Variants in APPBP2 observed in about 807,000 individuals in gnomAD.
APPBP2 encodes the protein amyloid beta precursor protein binding protein 2.
APPBP2 carries 15 observed loss-of-function variants against 76.0 expected under a neutral mutation model. The ratio of observed to expected loss-of-function variants is 0.20; its 90% confidence interval spans 0.13 to 0.30. The LOEUF is 0.30. APPBP2 is among the 10% of genes least tolerant of loss of function. The pLI, the probability that APPBP2 is intolerant of heterozygous loss-of-function variation, is 1.00. For missense variants in APPBP2, 401 were observed against 687.2 expected, an observed-to-expected ratio of 0.58 and a Z score of 4.66; for synonymous variants, 222 against 242.2, an observed-to-expected ratio of 0.92 and a Z score of 0.77.
At position 60,526,177 on chromosome 17, in the gene APPBP2, C is replaced by A; in HGVS notation, c.-246G>T. 2.0e-6 allele frequency: 1 copy of A among 504,562 alleles called. No homozygotes were observed. The highest frequency in any genetic ancestry group is 2.1e-5 in the South Asian group (1 of 48,484). The allele number at this position is 504,562 out of a possible 1,614,324, so 31.3% of individuals were successfully genotyped here. A position where few individuals can be genotyped will look rare whatever the true frequency, so the allele number is the denominator to read the frequency against. ...CCAGCCAGGCCAAAAGCGTCACAAT[C>A]CCGGTTCGAGAGGAACCCGGGTTCC... On this transcript the variant is annotated 5_prime_UTR_variant, in exon 1 of 13. Coordinates refer to ENST00000083182, the MANE Select transcript of APPBP2 (RefSeq NM_006380.5).
chr17:60,518,355 G>A (rs1004218533), intron 1 of APPBP2, among the ~76,000 whole-genome samples: 20 of 103,096 alleles, frequency 1.9e-4, no homozygotes, highest in African/African-American at 6.0e-4. Context: ...CCGTGTGTGC[G>A]TGCGTGTGTG....
intron 1 of APPBP2, among the ~76,000 whole-genome samples, chr17:60,509,181 A>G (rs889147262): frequency 3.9e-5 from 6 of 151,928 alleles, no homozygotes; most frequent in Admixed American, 3.9e-4. Context: ...GGAGTTCAAG[A>G]CAAACTTGGC....
Position 60,479,197 on chromosome 17 carries a change from G to A in APPBP2, c.454C>T (p.Leu152=), listed in dbSNP as rs377363998. The A allele has an allele frequency of 4.3e-6, 7 of 1,613,768 alleles. No homozygotes were observed. In the African/African-American group the frequency reaches 8.0e-5, roughly 18 times the overall value. ...VFLSCLQLCT[L]HDEMLHWFRA... ...AACCAATGAAGCATCTCATCGTGTA[G>A]AGTACACAACTGAAGGCAGGACAGA... Residue 152 remains leucine (L), a synonymous_variant, in exon 4 of 13, where the codon CTA becomes TTA. Coordinates refer to ENST00000083182, the MANE Select transcript of APPBP2 (RefSeq NM_006380.5).
At chr17:60,480,501 G>T (rs975289711) in intron 3 of APPBP2, among the ~76,000 whole-genome samples, 1 of 152,102 alleles carries the variant, frequency 6.6e-6, no homozygotes, top group African/African-American at 2.4e-5. Flanking sequence ...TGTATGAGTT[G>T]ACAAAATATT....
chr17:60,523,034 AAC>A (rs1185998483), intron 1 of APPBP2, among the ~76,000 whole-genome samples: 4 of 152,178 alleles, frequency 2.6e-5, no homozygotes, highest in African/African-American at 4.8e-5. Context: ...TACAAAAATT[AAC>A]ACAGTCATAC....
chr17:60,511,308 C>T (rs994174786), intron 1 of APPBP2, among the ~76,000 whole-genome samples: 4 of 152,020 alleles, frequency 2.6e-5, no homozygotes, highest in South Asian at 4.1e-4. Context: ...CACTTTCTGC[C>T]GGGCGCGGTG....
At chr17:60,500,845 G>C (rs1392894107) in intron 1 of APPBP2, among the ~76,000 whole-genome samples, 1 of 151,996 alleles carries the variant, frequency 6.6e-6, no homozygotes, top group African/African-American at 2.4e-5. Context: ...CAAAGATAAT[G>C]TCCAGAAAAC....
chr17:60,517,689 A>G (rs931695418), intron 1 of APPBP2, among the ~76,000 whole-genome samples: 1 of 152,170 alleles, frequency 6.6e-6, no homozygotes, highest in Non-Finnish European at 1.5e-5. Flanking sequence ...GTGATAGTAT[A>G]TGTGTCAGTC....
intron 1 of APPBP2, among the ~76,000 whole-genome samples, chr17:60,515,606 CCTAA>C (rs1472603698): frequency 6.6e-6 from 1 of 152,192 alleles, no homozygotes; most frequent in Non-Finnish European, 1.5e-5. Flanking sequence ...AATAGCGTCT[CCTAA>C]CTTTCAACAA....
chr17:60,509,739 C>T lies in APPBP2; in HGVS notation c.139-9252G>A, dbSNP rs375476498. On this transcript the variant is annotated intron_variant, in intron 1 of 12. Coordinates refer to ENST00000083182, the MANE Select transcript of APPBP2 (RefSeq NM_006380.5). ...GCTTGAACCCAGGAGGTGGAGGCTG[C>T]GGTGAGCTGAGATTGCACCATTGCA... Among the ~76,000 whole-genome samples the T allele has an allele frequency of 3.3e-5, 5 of 152,180 alleles. No homozygotes were observed. In the East Asian group the frequency reaches 5.8e-4, roughly 18 times the overall value.
chr17:60,453,534 CTGTTTTTTTTTT>C (rs2090410702), intron 11 of APPBP2, among the ~76,000 whole-genome samples: 1 of 140,764 alleles, frequency 7.1e-6, no homozygotes, highest in Admixed American at 6.8e-5. Flanking sequence ...TTTCATGATC[CTGTTTTTTTTTT>C]TGTTTTTTTT....
intron 3 of APPBP2, among the ~76,000 whole-genome samples, chr17:60,479,964 T>C (rs1203133072): frequency 6.6e-6 from 1 of 152,162 alleles, no homozygotes; most frequent in Admixed American, 6.6e-5. Flanking sequence ...CCAAAGCTTA[T>C]AATCCAGTAA....
At chr17:60,450,256 C>T (rs2143282503) in intron 12 of APPBP2, among the ~76,000 whole-genome samples, 1 of 151,478 alleles carries the variant, frequency 6.6e-6, no homozygotes, top group African/African-American at 2.4e-5. Flanking sequence ...GGCCAACATG[C>T]TGAAACACCG....
chr17:60,495,409 A>G (rs1184709498), intron 2 of APPBP2, among the ~76,000 whole-genome samples: 1 of 150,484 alleles, frequency 6.6e-6, no homozygotes, highest in Non-Finnish European at 1.5e-5. Flanking sequence ...TTTACACCCA[A>G]TAGAATTTTT....
chr17:60,451,764 C>G (rs1256839918), intron 12 of APPBP2, 116 bp downstream of exon 12: 2 of 907,614 alleles, frequency 2.2e-6, no homozygotes, highest in Middle Eastern at 7.2e-4. Flanking sequence ...CAGGTATGAG[C>G]CACCGCACCC....
At chr17:60,485,130 G>A (rs1326997036) in intron 3 of APPBP2, among the ~76,000 whole-genome samples, 6 of 151,952 alleles carry the variant, frequency 3.9e-5, no homozygotes, top group African/African-American at 1.2e-4. Context: ...GAGGATTTTC[G>A]CATCGATGTT....
intron 3 of APPBP2, among the ~76,000 whole-genome samples, chr17:60,489,019 G>A (rs1047105156): frequency 6.7e-6 from 1 of 149,870 alleles, no homozygotes; most frequent in Admixed American, 6.7e-5. Context: ...TCATGAGTTT[G>A]AGACCAGCCT....
intron 1 of APPBP2, chr17:60,513,542 A>G: frequency 4.1e-6 from 2 of 488,944 alleles, no homozygotes; most frequent in Non-Finnish European, 7.5e-6. Context: ...GTCAAGATAG[A>G]TCCACCAAAA....
At position 60,509,155 on chromosome 17, in the gene APPBP2, G is replaced by A. The variant is rs576289517; in HGVS notation, c.139-8668C>T. Among the ~76,000 whole-genome samples, 304 of 152,108 alleles carry A rather than the reference G, an allele frequency of 2.0e-3. 1 individual carries two copies. Among genetic ancestry groups the A allele is most frequent in the African/African-American group, 6.8e-3 (283 of 41,516 alleles). On this transcript the variant is annotated intron_variant, in intron 1 of 12. Coordinates refer to ENST00000083182, the MANE Select transcript of APPBP2 (RefSeq NM_006380.5). ...CCAGCACTTTGGGAGGCTGAGGCAGGTGGATCACAAGGTCAGGAGTTCAAG... is the reference window on the plus strand; with the variant it reads ...CCAGCACTTTGGGAGGCTGAGGCAGATGGATCACAAGGTCAGGAGTTCAAG...
Sources: gnomAD v4.1 joint callset for allele counts (sites outside exome capture counted in the v4.1 genomes callset) on GRCh38, gnomAD v4.1.1 for gene constraint, MANE v1.5 for transcripts, NCBI Gene and HGNC (gene_info 2026-07-23, HGNC 2026-07-21) for gene names.